ADAMTSL1: variants seen among roughly 807,000 people sequenced by gnomAD.
ADAMTSL1 encodes the protein ADAMTS like 1.
Under a neutral mutation model 201.8 loss-of-function variants are expected in ADAMTSL1, and 126 were observed. The ratio of observed to expected loss-of-function variants is 0.62; its 90% CI spans 0.54 to 0.72. ADAMTSL1 has a LOEUF of 0.72. Among genes scored for constraint, ADAMTSL1 ranks in the 30% least tolerant of loss-of-function variants. The probability of loss-of-function intolerance (pLI) is 0.00; values close to 1 mark genes in which losing one functional copy is unlikely to be tolerated. For missense variants in ADAMTSL1, 2,679 were observed against 2,277.8 expected (o/e 1.18, Z -3.59); for synonymous variants, 1,121 against 903.4 (o/e 1.24, Z -4.32).
chr9:18,690,392 C>T (rs1007892935), intron 13 of ADAMTSL1, among the ~76,000 whole-genome samples: 6 of 152,138 alleles, frequency 3.9e-5, no homozygotes, highest in Non-Finnish European at 8.8e-5. Flanking sequence ...TTATATCCCT[C>T]CTCAAAATGT....
At chr9:18,077,002 A>G (rs1315414806) in intron 1 of ADAMTSL1, among the ~76,000 whole-genome samples, 1 of 152,164 alleles carries the variant, frequency 6.6e-6, no homozygotes, top group Admixed American at 6.5e-5. Context: ...GGAAGGATAC[A>G]GAATGACTCC....
chr9:18,414,373 G>C (rs1344692224), intron 2 of ADAMTSL1, among the ~76,000 whole-genome samples: 1 of 151,980 alleles, frequency 6.6e-6, no homozygotes, highest in Non-Finnish European at 1.5e-5. Context: ...TAATCTTTAT[G>C]TATTTTTTTC....
intron 1 of ADAMTSL1, among the ~76,000 whole-genome samples, chr9:18,131,063 T>G (rs1315839225): frequency 6.6e-6 from 1 of 152,190 alleles, no homozygotes; most frequent in African/African-American, 2.4e-5. Context: ...TCCTTAGAAA[T>G]AGAGTATGGC....
intron 2 of ADAMTSL1, among the ~76,000 whole-genome samples, chr9:18,243,179 C>T (rs1338582075): frequency 6.6e-6 from 1 of 152,062 alleles, no homozygotes; most frequent in African/African-American, 2.4e-5. Flanking sequence ...TAAGTTCATA[C>T]TTATATGGTC....
chr9:18,661,378 C>T (rs916014376), intron 8 of ADAMTSL1, among the ~76,000 whole-genome samples: 1 of 152,118 alleles, frequency 6.6e-6, no homozygotes, highest in Admixed American at 6.5e-5. Flanking sequence ...GTTGGAATCT[C>T]AATGGTACAT....
intron 1 of ADAMTSL1, among the ~76,000 whole-genome samples, chr9:18,138,341 G>T (rs928650168): frequency 1.3e-5 from 2 of 152,062 alleles, no homozygotes; most frequent in South Asian, 2.1e-4. Flanking sequence ...TTTCTAGATA[G>T]ATATCTCCCC....
intron 2 of ADAMTSL1, among the ~76,000 whole-genome samples, chr9:18,459,245 A>G (rs1820720787): frequency 6.6e-6 from 1 of 152,170 alleles, no homozygotes; most frequent in South Asian, 2.1e-4. Flanking sequence ...GAAATATAGA[A>G]TGTTTGTTTT....
At chr9:17,935,422 G>C (rs145430546) in intron 1 of ADAMTSL1, among the ~76,000 whole-genome samples, 1 of 152,254 alleles carries the variant, frequency 6.6e-6, no homozygotes, top group East Asian at 1.9e-4. Context: ...ATTTGTATCT[G>C]TAGCTTGGAA....
At chr9:18,249,472 G>C (rs777908737) in intron 2 of ADAMTSL1, among the ~76,000 whole-genome samples, 1 of 152,052 alleles carries the variant, frequency 6.6e-6, no homozygotes, top group Non-Finnish European at 1.5e-5. Context: ...TATAGAGAGG[G>C]ACGTTGCAAA....
At chr9:17,954,151 CT>C (rs766621531) in intron 1 of ADAMTSL1, among the ~76,000 whole-genome samples, 21 of 152,264 alleles carry the variant, frequency 1.4e-4, no homozygotes, top group Non-Finnish European at 2.6e-4. Flanking sequence ...CTAGCTTGGA[CT>C]TTTTTACAGC....
intron 1 of ADAMTSL1, among the ~76,000 whole-genome samples, chr9:18,094,978 A>G (rs1288241486): frequency 6.6e-6 from 1 of 152,212 alleles, no homozygotes; most frequent in Non-Finnish European, 1.5e-5. Context: ...TAGAATTAGA[A>G]CGTTCAGTCC....
rs1823916688 is a variant in ADAMTSL1, at chr9:18,817,193, A to G, written c.3890A>G (p.Lys1297Arg). 1 of 1,571,784 alleles carries G rather than the reference A, an allele frequency of 6.4e-7. No homozygotes were observed. Among genetic ancestry groups the G allele is most frequent in the Non-Finnish European group, 8.6e-7 (1 of 1,157,650 alleles). The change falls in exon 21 of 29, where the codon AAA becomes AGA. Residue 1297 changes from lysine (K) to arginine (R), a missense_variant. Coordinates refer to ENST00000380548, the MANE Select transcript of ADAMTSL1 (RefSeq NM_001040272.6). ...ACAGTCGATATAGGAAGCACCATCA[A>G]AACAGTGCAGGGAGTGAATGTGACA... ...AVTVDIGSTIKTVQGVNVTIN... is the reference protein window; with the variant it reads ...AVTVDIGSTIRTVQGVNVTIN...
chr9:17,978,291 A>T (rs1486632688), intron 1 of ADAMTSL1, among the ~76,000 whole-genome samples: 2 of 151,930 alleles, frequency 1.3e-5, no homozygotes, highest in African/African-American at 4.8e-5. Context: ...TTTCATTTCA[A>T]GTGATTATCA....
At chr9:18,374,744 T>C (rs1837207857) in intron 2 of ADAMTSL1, among the ~76,000 whole-genome samples, 1 of 152,212 alleles carries the variant, frequency 6.6e-6, no homozygotes, top group African/African-American at 2.4e-5. Flanking sequence ...GCCTCACCTG[T>C]CTACATGACC....
At chr9:18,237,499 A>C (rs1191560750) in intron 2 of ADAMTSL1, among the ~76,000 whole-genome samples, 2 of 152,318 alleles carry the variant, frequency 1.3e-5, no homozygotes, top group Middle Eastern at 3.4e-3. Flanking sequence ...TTCTTTGTAT[A>C]AATGTTGTGG....
At chr9:18,441,576 T>G (rs1051228203) in intron 2 of ADAMTSL1, among the ~76,000 whole-genome samples, 5 of 152,160 alleles carry the variant, frequency 3.3e-5, no homozygotes, top group African/African-American at 1.2e-4. Flanking sequence ...GGAAAAGAAT[T>G]CACTACAGAA....
chr9:17,919,516 T>C (rs560491534), intron 1 of ADAMTSL1, among the ~76,000 whole-genome samples: 246 of 152,206 alleles, frequency 1.6e-3, no homozygotes, highest in South Asian at 0.013. Context: ...ACCACTTATC[T>C]ACCTTCTTAA....
intron 2 of ADAMTSL1, among the ~76,000 whole-genome samples, chr9:18,189,839 T>C (rs1828897941): frequency 1.3e-5 from 2 of 152,218 alleles, no homozygotes; most frequent in African/African-American, 2.4e-5. Flanking sequence ...TTAAACTCTC[T>C]GAGAACTACC....
intron 2 of ADAMTSL1, among the ~76,000 whole-genome samples, chr9:18,167,057 T>G (rs974980921): frequency 6.6e-6 from 1 of 151,950 alleles, no homozygotes; most frequent in Non-Finnish European, 1.5e-5. Context: ...TCAACTAAAC[T>G]TCCAGTGATT....
Sources: gnomAD v4.1 joint callset for allele counts (sites outside exome capture counted in the v4.1 genomes callset) on GRCh38, gnomAD v4.1.1 for gene constraint, MANE v1.5 for transcripts, NCBI Gene and HGNC (gene_info 2026-07-23, HGNC 2026-07-21) for gene names.